The following NAV2 variants were observed in gnomAD, a reference collection of about 807,000 sequenced individuals.
NAV2 encodes helicase, APC down-regulated 1.
A neutral mutation model predicts 223.2 loss-of-function variants in NAV2; 54 were observed. The observed-to-expected ratio is 0.24, with a 90% confidence interval of 0.19 to 0.30. The LOEUF (loss-of-function observed/expected upper bound fraction) is 0.30, where lower values mean the gene tolerates loss of function less well. Among genes scored for constraint, NAV2 ranks in the 10% least tolerant of loss-of-function variants. The pLI is 1.00. For missense variants in NAV2, 2,806 were observed against 3,147.5 expected (o/e 0.89, Z 2.60); for synonymous variants, 1,279 against 1,239.3 (o/e 1.03, Z -0.67).
At chr11:19,788,014 C>T (rs1400577156) in intron 1 of NAV2, among the ~76,000 whole-genome samples, 1 of 152,144 alleles carries the variant, frequency 6.6e-6, no homozygotes, top group Non-Finnish European at 1.5e-5. Flanking sequence ...CAGTGTGGTT[C>T]CAAGTCCAAT....
chr11:20,048,011 G>A (rs1225606232), intron 14 of NAV2, among the ~76,000 whole-genome samples: 1 of 152,114 alleles, frequency 6.6e-6, no homozygotes, highest in Non-Finnish European at 1.5e-5. Flanking sequence ...CACATTTTTG[G>A]CCACGAGCAG....
chr11:19,726,967 A>G (rs997231528), intron 1 of NAV2, among the ~76,000 whole-genome samples: 2 of 152,110 alleles, frequency 1.3e-5, no homozygotes, highest in African/African-American at 2.4e-5. Context: ...ATAACCCCCT[A>G]TGGTTGAAGA....
chr11:19,857,640 C>T (rs1047743964), intron 3 of NAV2, among the ~76,000 whole-genome samples: 22 of 152,118 alleles, frequency 1.4e-4, no homozygotes, highest in African/African-American at 4.8e-4. Flanking sequence ...TGTTGTCTGT[C>T]TTAGGGGACT....
chr11:20,107,971 G>A (rs2062288650), intron 36 of NAV2, among the ~76,000 whole-genome samples, 189 bp downstream of exon 36: 2 of 152,186 alleles, frequency 1.3e-5, no homozygotes, highest in Admixed American at 1.3e-4. Flanking sequence ...CCACCCATTA[G>A]CATTGTGACC....
intron 1 of NAV2, among the ~76,000 whole-genome samples, chr11:19,640,726 C>A (rs1271600072): frequency 6.6e-6 from 1 of 152,160 alleles, no homozygotes; most frequent in Non-Finnish European, 1.5e-5. Flanking sequence ...GGACTGTGAG[C>A]TAAGAGATGC....
chr11:19,518,666 A>C (rs993155256), intron 1 of NAV2: 1 of 152,224 alleles, frequency 6.6e-6, no homozygotes, highest in African/African-American at 2.4e-5. Context: ...GTTGTTTAAC[A>C]TTCCTCTCAT....
intron 1 of NAV2, among the ~76,000 whole-genome samples, chr11:19,776,631 A>ATGT (rs1565295867): frequency 1.3e-4 from 3 of 22,750 alleles, no homozygotes; most frequent in African/African-American, 3.6e-4. Flanking sequence ...GGGGTCAGAA[A>ATGT]ATGTGTGTGT....
At chr11:19,444,017 CT>C (rs1050233780) in intron 1 of NAV2, among the ~76,000 whole-genome samples, 2 of 152,214 alleles carry the variant, frequency 1.3e-5, no homozygotes, top group Non-Finnish European at 2.9e-5. Flanking sequence ...TCACTGCAAC[CT>C]CTGCTTCCCA....
intron 25 of NAV2, chr11:20,082,470 T>G (rs2060151380): frequency 2.2e-6 from 2 of 892,296 alleles, no homozygotes; most frequent in Non-Finnish European, 3.8e-6. Flanking sequence ...CTGTGTGTGG[T>G]GTTTATTATT....
At chr11:19,935,849 CTGTTTTTTTTT>C (rs2045805977) in intron 7 of NAV2, among the ~76,000 whole-genome samples, 1 of 69,440 alleles carries the variant, frequency 1.4e-5, no homozygotes, top group Non-Finnish European at 3.3e-5. Flanking sequence ...TGTTTTGTTT[CTGTTTTTTTTT>C]TTTTTTTTTT....
chr11:19,998,704 T>TCC lies in NAV2; in HGVS notation c.2768+14463_2768+14464dup, dbSNP rs71050696. Reference sequence around the variant, plus strand: ...CTGTCCCCTCTGCATAGACTGTGCTTCCCCCCCTCTCTCCTTTTCTCCTTA... The same window carrying TCC: ...CTGTCCCCTCTGCATAGACTGTGCTTCCCCCCCCCTCTCTCCTTTTCTCCTTA... On this transcript the variant is annotated intron_variant, in intron 11 of 37. Coordinates refer to ENST00000349880, the MANE Select transcript of NAV2 (RefSeq NM_145117.5). The surrounding 1 kb of genome is among the most constrained non-coding windows in gnomAD (Gnocchi z 5.0). 3.3e-5 allele frequency among the ~76,000 whole-genome samples: 5 copies of TCC among 151,798 alleles called. No homozygotes were observed. The highest frequency in any genetic ancestry group is 1.2e-4 in the African/African-American group (5 of 41,344).
At chr11:19,722,430 C>T (rs2050820094) in intron 1 of NAV2, among the ~76,000 whole-genome samples, 1 of 152,210 alleles carries the variant, frequency 6.6e-6, no homozygotes, top group African/African-American at 2.4e-5. Flanking sequence ...AATCCTCCCA[C>T]ACTTTACCCA....
intron 1 of NAV2, among the ~76,000 whole-genome samples, chr11:19,533,767 C>A (rs112196041): frequency 8.0e-6 from 1 of 124,452 alleles, no homozygotes; most frequent in African/African-American, 4.8e-5. Flanking sequence ...AGTGCAGTGG[C>A]GGGATCTCGG....
At chr11:19,584,863 G>C (rs1395589017) in intron 1 of NAV2, among the ~76,000 whole-genome samples, 2 of 152,202 alleles carry the variant, frequency 1.3e-5, no homozygotes, top group Non-Finnish European at 2.9e-5. Flanking sequence ...CTGTTGATTT[G>C]GGGTGGAGAG....
At position 19,998,799 on chromosome 11, in the gene NAV2, C is replaced by T. The variant is rs1274166420; in HGVS notation, c.2768+14552C>T. 1.3e-5 allele frequency among the ~76,000 whole-genome samples: 2 copies of T among 152,182 alleles called. No homozygotes were observed. Among genetic ancestry groups the T allele is most frequent in the Non-Finnish European group, 2.9e-5 (2 of 68,036 alleles). ...ACCACTTAGAGAGGCTGCTACTGACCACTCAATCTAAAGAAAGTTTCAGCT... is the reference window on the plus strand; with the variant it reads ...ACCACTTAGAGAGGCTGCTACTGACTACTCAATCTAAAGAAAGTTTCAGCT... On this transcript the variant is annotated intron_variant, in intron 11 of 37. Transcript: ENST00000349880. This position sits in a 1 kb window ranked among gnomAD's most constrained non-coding sequence, Gnocchi z 5.0.
chr11:19,491,971 GA>G, intron 1 of NAV2, among the ~76,000 whole-genome samples: 1 of 151,706 alleles, frequency 6.6e-6, no homozygotes, highest in Admixed American at 6.6e-5. Context: ...GAGAGAGAGA[GA>G]GAGAGAGAGA....
chr11:19,495,765 A>G (rs2042774562), intron 1 of NAV2, among the ~76,000 whole-genome samples: 1 of 152,124 alleles, frequency 6.6e-6, no homozygotes, highest in Non-Finnish European at 1.5e-5. Context: ...GTAATTTTAT[A>G]TATTATATAT....
At chr11:20,025,618 T>C (rs1471766442) in intron 11 of NAV2, among the ~76,000 whole-genome samples, 1 of 152,184 alleles carries the variant, frequency 6.6e-6, no homozygotes, top group Non-Finnish European at 1.5e-5. Context: ...ACCACCTACT[T>C]GTCAAGGAAT....
chr11:20,005,654 T>C (rs1451153730), intron 11 of NAV2, among the ~76,000 whole-genome samples: 1 of 152,098 alleles, frequency 6.6e-6, no homozygotes, highest in Non-Finnish European at 1.5e-5. Flanking sequence ...GAATCAACAT[T>C]TCTGTGCACT....
Sources: allele counts gnomAD v4.1 joint callset (sites outside exome capture counted in the v4.1 genomes callset), GRCh38; gene constraint gnomAD v4.1.1; non-coding constraint Gnocchi (gnomAD v3.1); transcripts MANE v1.5; gene names NCBI Gene and HGNC (gene_info 2026-07-23, HGNC 2026-07-21).